The following TTC27 variants were observed in gnomAD, a reference collection of about 807,000 sequenced individuals.
TTC27 encodes tetratricopeptide repeat protein 27.
Under a neutral mutation model 115.9 loss-of-function variants are expected in TTC27, and 79 were observed. The ratio of observed to expected loss-of-function variants is 0.68; its 90% CI spans 0.57 to 0.82. The LOEUF (loss-of-function observed/expected upper bound fraction) is 0.82. TTC27 is among the 40% of genes least tolerant of loss of function. TTC27 has a pLI of 0.00. For synonymous variants in TTC27, 401 were observed against 356.0 expected, an observed-to-expected ratio of 1.13 and a Z score of -1.42; for missense variants, 1,054 against 993.1, an observed-to-expected ratio of 1.06 and a Z score of -0.82.
intron 9 of TTC27, among the ~76,000 whole-genome samples, chr2:32,688,265 A>C (rs530583322): frequency 4.9e-4 from 74 of 152,274 alleles, no homozygotes; most frequent in African/African-American, 1.8e-3. Context: ...GAAGAAATTT[A>C]TATGTGAAGG....
At chr2:32,806,042 C>T (rs997478585) in intron 16 of TTC27, among the ~76,000 whole-genome samples, 1 of 152,204 alleles carries the variant, frequency 6.6e-6, no homozygotes, top group Admixed American at 6.5e-5. Context: ...GACAACCCAT[C>T]CCTGTGGCTA....
At chr2:32,683,821 A>G (rs1021297046) in intron 9 of TTC27, among the ~76,000 whole-genome samples, 2 of 152,154 alleles carry the variant, frequency 1.3e-5, no homozygotes, top group South Asian at 2.1e-4. Flanking sequence ...AAATGGGAAC[A>G]GTTTAGTTAA....
intron 11 of TTC27, among the ~76,000 whole-genome samples, chr2:32,735,732 C>T (rs1668432702): frequency 6.6e-6 from 1 of 152,166 alleles, no homozygotes; most frequent in Non-Finnish European, 1.5e-5. Context: ...TATTGTACTG[C>T]TCACTGCATA....
At chr2:32,697,184 C>T (rs1438939576) in intron 9 of TTC27, among the ~76,000 whole-genome samples, 1 of 118,032 alleles carries the variant, frequency 8.5e-6, no homozygotes, top group East Asian at 2.8e-4. Context: ...AGAGTGAGAC[C>T]CTGTCTCAAA....
chr2:32,750,933 G>A (rs7585081), intron 12 of TTC27, among the ~76,000 whole-genome samples: 17,486 of 152,136 alleles, frequency 0.11, 1,158 homozygotes, highest in Middle Eastern at 0.24. Context: ...ATGTCATCAA[G>A]GCCATGGGAT....
chr2:32,739,502 C>T (rs1386224104), intron 12 of TTC27, among the ~76,000 whole-genome samples: 1 of 152,000 alleles, frequency 6.6e-6, no homozygotes, highest in African/African-American at 2.4e-5. Context: ...TGCACATGAC[C>T]TTGTAAGAAT....
chr2:32,761,222 T>G (rs1232119945), intron 13 of TTC27, among the ~76,000 whole-genome samples: 1 of 152,134 alleles, frequency 6.6e-6, no homozygotes, highest in Non-Finnish European at 1.5e-5. Flanking sequence ...GAGTCATGCT[T>G]AATTCCTCTT....
intron 9 of TTC27, among the ~76,000 whole-genome samples, chr2:32,695,568 A>C (rs547127665): frequency 4.3e-4 from 66 of 152,028 alleles, no homozygotes; most frequent in African/African-American, 1.1e-3. Flanking sequence ...AAAATACAAA[A>C]AGTAGCCATG....
chr2:32,775,351 C>A (rs1437348783), intron 13 of TTC27, among the ~76,000 whole-genome samples: 1 of 152,118 alleles, frequency 6.6e-6, no homozygotes. Flanking sequence ...GCGCCCACCA[C>A]CACGCCCGGC....
chr2:32,815,920 C>G (rs997774725), intron 18 of TTC27, among the ~76,000 whole-genome samples: 2 of 152,174 alleles, frequency 1.3e-5, no homozygotes, highest in African/African-American at 4.8e-5. Flanking sequence ...ATAGGAATGT[C>G]AAACCTAGTT....
chr2:32,654,063 C>T (rs1192023371), intron 5 of TTC27, among the ~76,000 whole-genome samples: 1 of 152,160 alleles, frequency 6.6e-6, no homozygotes, highest in East Asian at 1.9e-4. Flanking sequence ...TTATCCTAAT[C>T]TGAAATCTTT....
chr2:32,818,757 G>C (rs1671589040), intron 19 of TTC27, among the ~76,000 whole-genome samples: 1 of 152,154 alleles, frequency 6.6e-6, no homozygotes, highest in Non-Finnish European at 1.5e-5. Context: ...CCGAGAGTAA[G>C]TCTCTGGCAC....
At chr2:32,646,543 G>A (rs1664866205) in intron 4 of TTC27, among the ~76,000 whole-genome samples, 1 of 145,692 alleles carries the variant, frequency 6.9e-6, no homozygotes. Context: ...AATAGGCTAT[G>A]CTTTCTATAT....
chr2:32,697,919 T>G lies in TTC27; in HGVS notation c.1120-4888T>G, dbSNP rs1018848101. ...GGTGTGCACTAGCACGCCCAGTTAA[T>G]TTTTGTTATTTTTAATAGAGATGGG... On this transcript the variant is annotated intron_variant, in intron 9 of 19. Transcript: ENST00000317907. 2.0e-5 allele frequency among the ~76,000 whole-genome samples: 3 copies of G among 152,114 alleles called. No homozygotes were observed. The South Asian group carries it at 6.2e-4, about 32-fold the overall frequency.
At chr2:32,629,282 C>T (rs1220281414) in intron 1 of TTC27, among the ~76,000 whole-genome samples, 2 of 151,548 alleles carry the variant, frequency 1.3e-5, no homozygotes, top group East Asian at 2.0e-4. Flanking sequence ...CCACCATGCC[C>T]GGCTAATTTT....
chr2:32,780,082 C>G, intron 14 of TTC27: 1 of 466,198 alleles, frequency 2.1e-6, no homozygotes, highest in Non-Finnish European at 4.5e-6. Flanking sequence ...GTCTTGTTTA[C>G]AGAAACTTTG....
At chr2:32,648,483 G>A (rs1204174088) in intron 4 of TTC27, among the ~76,000 whole-genome samples, 1 of 132,842 alleles carries the variant, frequency 7.5e-6, no homozygotes, top group Non-Finnish European at 1.6e-5. Flanking sequence ...TTACAGTGTT[G>A]CCCACCTGGT....
intron 12 of TTC27, among the ~76,000 whole-genome samples, chr2:32,738,299 T>C (rs1303577438): frequency 1.3e-5 from 2 of 152,224 alleles, no homozygotes; most frequent in Non-Finnish European, 2.9e-5. Context: ...TTCCCTCATC[T>C]GGAAGCACTT....
intron 10 of TTC27, among the ~76,000 whole-genome samples, chr2:32,731,270 G>C (rs918162675): frequency 1.3e-5 from 2 of 151,956 alleles, no homozygotes; most frequent in Admixed American, 1.3e-4. Flanking sequence ...TGTATTTTTA[G>C]TAGACACGGG....
Sources: allele counts gnomAD v4.1 joint callset (sites outside exome capture counted in the v4.1 genomes callset), GRCh38; gene constraint gnomAD v4.1.1; transcripts MANE v1.5; gene names NCBI Gene and HGNC (gene_info 2026-07-23, HGNC 2026-07-21).